Variants in FAM193A observed in about 807,000 individuals in gnomAD.
The protein encoded by FAM193A is family with sequence similarity 193 member A.
Under a neutral mutation model 126.5 loss-of-function variants are expected in FAM193A, and 22 were observed. The ratio of observed to expected loss-of-function variants is 0.17; its 90% CI spans 0.12 to 0.25. The LOEUF is 0.25. Among genes scored for constraint, FAM193A ranks in the 10% least tolerant of loss-of-function variants. The pLI, the probability that FAM193A is intolerant of heterozygous loss-of-function variation, is 1.00. For missense variants in FAM193A, 1,675 were observed against 1,672.8 expected (o/e 1.00, Z -0.02); for synonymous variants, 761 against 646.8 (o/e 1.18, Z -2.68).
intron 20 of FAM193A, among the ~76,000 whole-genome samples, chr4:2,720,312 A>G (rs1011276391): frequency 6.6e-6 from 1 of 152,226 alleles, no homozygotes; most frequent in Non-Finnish European, 1.5e-5. Context: ...AACTTACAGC[A>G]AGGGGCTAAC....
At chr4:2,701,673 T>TA (rs1437744489) in intron 19 of FAM193A, among the ~76,000 whole-genome samples, 5 of 152,192 alleles carry the variant, frequency 3.3e-5, no homozygotes, top group Admixed American at 6.5e-5. Flanking sequence ...GTAAGTGTCT[T>TA]ATGGGGAAAT....
chr4:2,668,163 C>T (rs1325173005), intron 12 of FAM193A, among the ~76,000 whole-genome samples: 1 of 151,960 alleles, frequency 6.6e-6, no homozygotes, highest in Non-Finnish European at 1.5e-5. Flanking sequence ...CCAGGAAATC[C>T]CAAAGTGCTA....
intron 19 of FAM193A, among the ~76,000 whole-genome samples, chr4:2,707,712 TA>T (rs1484308370): frequency 2.5e-3 from 357 of 141,620 alleles, no homozygotes; most frequent in Middle Eastern, 7.5e-3. Context: ...TTATATTTCT[TA>T]TTTTTTTTTT....
At chr4:2,698,471 G>T (rs1479275974) in intron 18 of FAM193A, among the ~76,000 whole-genome samples, 2 of 152,172 alleles carry the variant, frequency 1.3e-5, no homozygotes, top group Admixed American at 1.3e-4. Context: ...GGAGAAGGAT[G>T]TTAAATAATT....
chr4:2,615,424 A>G (rs981926605), intron 2 of FAM193A, among the ~76,000 whole-genome samples: 1 of 152,174 alleles, frequency 6.6e-6, no homozygotes, highest in Non-Finnish European at 1.5e-5. Flanking sequence ...AAATTCTGGT[A>G]TGTTTTTCAT....
chr4:2,661,736 G>A (rs1712471508), intron 10 of FAM193A, among the ~76,000 whole-genome samples: 1 of 152,148 alleles, frequency 6.6e-6, no homozygotes, highest in Admixed American at 6.5e-5. Flanking sequence ...CCTTCTGGAG[G>A]TTGCTGTGTG....
chr4:2,672,740 A>C (rs1369183317), intron 13 of FAM193A, among the ~76,000 whole-genome samples: 1 of 152,216 alleles, frequency 6.6e-6, no homozygotes, highest in African/African-American at 2.4e-5. Flanking sequence ...GATAGGTAAA[A>C]TAATGTGAAT....
intron 1 of FAM193A, among the ~76,000 whole-genome samples, chr4:2,559,642 A>G (rs1738480171): frequency 1.3e-5 from 2 of 151,882 alleles, no homozygotes. Context: ...AGTCTACTGC[A>G]TTTTCTCTTC....
intron 1 of FAM193A, among the ~76,000 whole-genome samples, chr4:2,542,208 G>T (rs557336190): frequency 1.3e-5 from 2 of 152,094 alleles, no homozygotes; most frequent in Admixed American, 6.6e-5. Flanking sequence ...TAGAGACGGG[G>T]CTTCACCATG....
intron 18 of FAM193A, among the ~76,000 whole-genome samples, chr4:2,699,195 A>T (rs949179597): frequency 2.0e-5 from 3 of 152,186 alleles, no homozygotes; most frequent in African/African-American, 7.2e-5. Context: ...AAGTGAATGC[A>T]TTAGCCTTCG....
chr4:2,571,052 T>G (rs1030998348), intron 1 of FAM193A, among the ~76,000 whole-genome samples: 2 of 152,166 alleles, frequency 1.3e-5, no homozygotes, highest in Non-Finnish European at 2.9e-5. Flanking sequence ...TATGGGGGAC[T>G]TCGCAGAGCC....
chr4:2,682,852 GTGA>G (rs1276765802), intron 13 of FAM193A, among the ~76,000 whole-genome samples: 1 of 152,194 alleles, frequency 6.6e-6, no homozygotes, highest in Non-Finnish European at 1.5e-5. Flanking sequence ...ACCCAGTACA[GTGA>G]TGATGATTAC....
At chr4:2,708,190 A>G (rs1286251125) in intron 19 of FAM193A, 2 of 447,294 alleles carry the variant, frequency 4.5e-6, no homozygotes, top group Admixed American at 2.4e-5. Context: ...CAATGGTGCA[A>G]TCTTGGCTCA....
chr4:2,716,386 C>G (rs1052632654), intron 20 of FAM193A, among the ~76,000 whole-genome samples: 1 of 148,024 alleles, frequency 6.8e-6, no homozygotes, highest in Non-Finnish European at 1.5e-5. Flanking sequence ...CTGGCTGTTG[C>G]GCTTCTGAGG....
intron 4 of FAM193A, among the ~76,000 whole-genome samples, chr4:2,630,331 A>T (rs1237757456): frequency 7.3e-5 from 3 of 40,824 alleles, no homozygotes; most frequent in Admixed American, 3.8e-4. Flanking sequence ...GATAATTGTT[A>T]AAAAAAAAAG....
chr4:2,578,012 A>G (rs187263942), intron 1 of FAM193A, among the ~76,000 whole-genome samples: 2 of 152,316 alleles, frequency 1.3e-5, no homozygotes, highest in African/African-American at 4.8e-5. Flanking sequence ...TATAATGACT[A>G]TCCCCTATTC....
In FAM193A at chr4:2,699,779, G is replaced by C; in HGVS notation, c.3607G>C (p.Glu1203Gln). 6.2e-7 allele frequency: 1 copy of C among 1,613,976 alleles called. No homozygotes were observed. The highest frequency in any genetic ancestry group is 8.5e-7 in the Non-Finnish European group (1 of 1,179,950). Reference sequence around the variant, plus strand: ...GCGGGAGGAGGAGGAGGATGAGGAAGAAGAGGAGGATCGTTTCAAGGAGGA... The same window carrying C: ...GCGGGAGGAGGAGGAGGATGAGGAACAAGAGGAGGATCGTTTCAAGGAGGA... ...RRREEEEDEE[E>Q]EEDRFKEEFQ... Residue 1203 changes from glutamate (E) to glutamine (Q), a missense_variant, in exon 19 of 21, where the codon GAA (glutamate) becomes CAA (glutamine). This residue lies in a region of FAM193A where 415 missense variants were observed against 396.7 expected (regional missense o/e 1.05). Transcript: ENST00000637812.
At chr4:2,625,584 G>A in intron 3 of FAM193A, 189 bp downstream of exon 3, 1 of 444,626 alleles carries the variant, frequency 2.2e-6, no homozygotes, top group Non-Finnish European at 4.0e-6. Context: ...CTGGCACTAG[G>A]AAGCATCCTC....
In FAM193A at chr4:2,609,783, G is replaced by T. The variant is rs559160003; in HGVS notation, c.501+13454G>T. On this transcript the variant is annotated intron_variant, in intron 2 of 20. Coordinates refer to ENST00000637812, the MANE Select transcript of FAM193A (RefSeq NM_001366318.2). ...TCTCTACTAAAAATATAAAAAATCA[G>T]CTGGGTGTGGTGTTGTGCATCTGTA... is the stretch of plus-strand genomic sequence containing the variant. Among the ~76,000 whole-genome samples, 7 of 152,174 alleles carry T rather than the reference G, an allele frequency of 4.6e-5. No homozygotes were observed. In the South Asian group the frequency reaches 1.5e-3, roughly 32 times the overall value.
Sources: allele counts gnomAD v4.1 joint callset (sites outside exome capture counted in the v4.1 genomes callset), GRCh38; gene constraint gnomAD v4.1.1; regional missense constraint gnomAD v4.1.1; transcripts MANE v1.5; gene names NCBI Gene and HGNC (gene_info 2026-07-23, HGNC 2026-07-21).